Variants in TACC2 observed in about 807,000 individuals in gnomAD.
TACC2 encodes transforming acidic coiled-coil-containing protein 2.
Under a neutral mutation model 227.3 loss-of-function variants are expected in TACC2, and 137 were observed. The ratio of observed to expected loss-of-function variants is 0.60; its 90% CI spans 0.52 to 0.69. TACC2 has a LOEUF of 0.69. Among genes scored for constraint, TACC2 ranks in the 30% least tolerant of loss-of-function variants. The pLI is 0.00. For missense variants in TACC2, 3,470 were observed against 3,694.4 expected (o/e 0.94, Z 1.57); for synonymous variants, 1,523 against 1,487.5 (o/e 1.02, Z -0.55).
At chr10:122,253,290 A>G (rs770427887) in intron 22 of TACC2, among the ~76,000 whole-genome samples, 1 of 152,216 alleles carries the variant, frequency 6.6e-6, no homozygotes, top group Non-Finnish European at 1.5e-5. Context: ...CAGAGCCAGC[A>G]TGTAACCTAT....
At chr10:122,226,560 G>A in intron 13 of TACC2, 79 bp downstream of exon 13, 4 of 1,053,786 alleles carry the variant, frequency 3.8e-6, no homozygotes, top group Non-Finnish European at 4.3e-6. Flanking sequence ...CTGTTATTTT[G>A]ACTTCATTTC....
chr10:122,213,678 A>G (rs1168527815), intron 9 of TACC2, among the ~76,000 whole-genome samples: 1 of 152,058 alleles, frequency 6.6e-6, no homozygotes, highest in Admixed American at 6.6e-5. Flanking sequence ...GAAATCAAAC[A>G]TTTTTTTTAA....
intron 7 of TACC2, chr10:122,164,117 CAGCCTTGGAA>C: frequency 8.3e-7 from 1 of 1,200,180 alleles, no homozygotes; most frequent in Non-Finnish European, 1.2e-6. Context: ...GGGTTCTTCG[CAGCCTTGGAA>C]AGCTTTACCT....
At chr10:122,131,249 G>C (rs549910530) in intron 5 of TACC2, among the ~76,000 whole-genome samples, 6 of 152,010 alleles carry the variant, frequency 3.9e-5, no homozygotes, top group Admixed American at 6.5e-5. Context: ...ATGAAGGCAG[G>C]GACCGCTGCT....
chr10:122,149,890 G>A (rs1221840027), intron 7 of TACC2, among the ~76,000 whole-genome samples: 1 of 152,208 alleles, frequency 6.6e-6, no homozygotes, highest in Non-Finnish European at 1.5e-5. Context: ...CACTGGGTCC[G>A]GGGCAGACTG....
chr10:122,052,704 AGGTGCCTTCCAAG>A (rs1271613175), intron 3 of TACC2: 1 of 151,356 alleles, frequency 6.6e-6, no homozygotes, highest in African/African-American at 2.4e-5. Flanking sequence ...AAAAACAAAC[AGGTGCCTTCCAAG>A]AACACACTCA....
rs377401420 is a variant in TACC2 at position 122,063,605 on chromosome 10, G to T, written c.146+13055G>T. 1.5e-4 allele frequency among the ~76,000 whole-genome samples: 23 copies of T among 152,136 alleles called. 1 individual carries two copies. The highest frequency in any genetic ancestry group is 7.9e-4 in the Admixed American group (12 of 15,266). On this transcript the variant is annotated intron_variant, in intron 3 of 22. Transcript: ENST00000369005. ...TAATACCCATTTATTGTAGCAACTT[G>T]GAACATAGCGAAGAGTGCAGAGTGG... is the stretch of plus-strand genomic sequence containing the variant.
chr10:122,017,989 T>G (rs1470338067), intron 1 of TACC2, among the ~76,000 whole-genome samples: 2 of 139,282 alleles, frequency 1.4e-5, no homozygotes, highest in Admixed American at 1.5e-4. Context: ...TAGACCTCAT[T>G]CGTTTTATTT....
chr10:122,199,210 G>A (rs1027704149), intron 8 of TACC2, among the ~76,000 whole-genome samples: 11 of 152,158 alleles, frequency 7.2e-5, no homozygotes, highest in Non-Finnish European at 1.5e-4. Context: ...CTGGGGGCCC[G>A]AGCCATTGAG....
chr10:121,991,754 T>C (rs1360374653), intron 1 of TACC2, among the ~76,000 whole-genome samples: 1 of 152,184 alleles, frequency 6.6e-6, no homozygotes, highest in Non-Finnish European at 1.5e-5. Context: ...TTTTTATATC[T>C]CAAAGCCATT....
chr10:122,085,327 G>A lies in TACC2; in HGVS notation c.2827G>A (p.Ala943Thr). The change falls in exon 4 of 23, where the codon GCA becomes ACA. Residue 943 changes from alanine (A) to threonine (T), a missense_variant. Physicochemically the swap from Ala to Thr is moderately conservative, Grantham distance 58. Transcript: ENST00000369005. Reference sequence around the variant, plus strand: ...AGCACCAACGAGACAGAAGTTGCCTGCACTAGGGGAGAAGCGGCCAGAGGG... The same window carrying A: ...AGCACCAACGAGACAGAAGTTGCCTACACTAGGGGAGAAGCGGCCAGAGGG... ...LSAPTRQKLP[A>T]LGEKRPEGAC... The A allele has an allele frequency of 3.1e-6, 5 of 1,614,068 alleles. No homozygotes were observed. Among genetic ancestry groups the A allele is most frequent in the Non-Finnish European group, 4.2e-6 (5 of 1,180,042 alleles).
At chr10:122,065,342 T>C (rs1450667431) in intron 3 of TACC2, among the ~76,000 whole-genome samples, 2 of 152,250 alleles carry the variant, frequency 1.3e-5, no homozygotes, top group Admixed American at 1.3e-4. Flanking sequence ...TTCATTTTCA[T>C]TCTGTTCAAA....
intron 7 of TACC2, among the ~76,000 whole-genome samples, chr10:122,173,895 G>A (rs1486740473): frequency 3.3e-5 from 5 of 152,214 alleles, no homozygotes; most frequent in Admixed American, 6.5e-5. Context: ...CCCCATGCAC[G>A]TTCCAGGCTC....
At chr10:121,995,464 A>G (rs770980973) in intron 1 of TACC2, among the ~76,000 whole-genome samples, 3 of 152,132 alleles carry the variant, frequency 2.0e-5, no homozygotes, top group African/African-American at 7.2e-5. Context: ...CTTATAATCT[A>G]TTGTGTAATA....
At chr10:122,136,398 T>C (rs2089641434) in intron 6 of TACC2, among the ~76,000 whole-genome samples, 1 of 151,938 alleles carries the variant, frequency 6.6e-6, no homozygotes, top group East Asian at 1.9e-4. Context: ...GAGGGTGGGA[T>C]GCGGAAGGAG....
intron 1 of TACC2, among the ~76,000 whole-genome samples, chr10:121,990,149 T>C (rs1051003257): frequency 6.6e-6 from 1 of 152,060 alleles, no homozygotes; most frequent in Non-Finnish European, 1.5e-5. Flanking sequence ...CTTGCTCTAC[T>C]GCCCAGGCTG....
chr10:122,070,846 G>T (rs1463629924), intron 3 of TACC2, among the ~76,000 whole-genome samples: 3 of 151,562 alleles, frequency 2.0e-5, no homozygotes, highest in Non-Finnish European at 4.4e-5. Context: ...AATCACTTGA[G>T]CCTGGAGGCA....
At chr10:122,240,402 C>G (rs933306843) in intron 18 of TACC2, among the ~76,000 whole-genome samples, 1 of 152,192 alleles carries the variant, frequency 6.6e-6, no homozygotes, top group Non-Finnish European at 1.5e-5. Context: ...GGAGTCCATT[C>G]TGGGGTGAGA....
intron 1 of TACC2, among the ~76,000 whole-genome samples, chr10:121,997,509 C>T (rs1953683215): frequency 6.6e-6 from 1 of 152,120 alleles, no homozygotes; most frequent in African/African-American, 2.4e-5. Context: ...GTCCAATTAG[C>T]AGGGTCTAAG....
Sources: allele counts gnomAD v4.1 joint callset (sites outside exome capture counted in the v4.1 genomes callset), GRCh38; gene constraint gnomAD v4.1.1; transcripts MANE v1.5; gene names NCBI Gene and HGNC (gene_info 2026-07-23, HGNC 2026-07-21).